The following OTOP3 variants were observed in gnomAD, a reference collection of about 807,000 sequenced individuals.
The protein encoded by OTOP3 is proton channel OTOP3.
In OTOP3, 41 loss-of-function variants were observed where a neutral mutation model predicts 50.8. The ratio of observed to expected loss-of-function variants is 0.81; its 90% CI spans 0.63 to 1.05. The LOEUF (loss-of-function observed/expected upper bound fraction) is 1.05. Among genes scored for constraint, OTOP3 ranks in the 50% least tolerant of loss-of-function variants. The probability of loss-of-function intolerance (pLI) is 0.00; values close to 1 mark genes in which losing one functional copy is unlikely to be tolerated. For synonymous variants in OTOP3, 320 were observed against 324.4 expected, an observed-to-expected ratio of 0.99 and a Z score of 0.14; for missense variants, 788 against 760.8, an observed-to-expected ratio of 1.04 and a Z score of -0.42.
rs1437680054 is a variant in OTOP3, at chr17:74,937,216, C to G, written c.19+1276C>G. Among the ~76,000 whole-genome samples the G allele has an allele frequency of 3.9e-5, 6 of 152,338 alleles. No homozygotes were observed. In the South Asian group the frequency reaches 1.2e-3, roughly 32 times the overall value. Reference sequence around the variant, plus strand: ...CTGGGCTCAAGGGATCCGCTCACCTCAGCCTCCCAAAGTGCTGGAATTACA... The same window carrying G: ...CTGGGCTCAAGGGATCCGCTCACCTGAGCCTCCCAAAGTGCTGGAATTACA... On this transcript the variant is annotated intron_variant, in intron 1 of 6. Transcript: ENST00000328801.
At chr17:74,946,167 G>A (rs564875731) in intron 5 of OTOP3, among the ~76,000 whole-genome samples, 32 of 152,134 alleles carry the variant, frequency 2.1e-4, no homozygotes, top group Non-Finnish European at 4.3e-4. Context: ...TAGTAGAGAC[G>A]GGGTTTCACC....
Position 74,943,262 on chromosome 17 carries a change from G to C in OTOP3, c.574-24G>C, listed in dbSNP as rs2039194440. The C allele has an allele frequency of 1.9e-6, 3 of 1,613,516 alleles. No homozygotes were observed. The African/African-American group carries it at 4.0e-5, about 22-fold the overall frequency. On this transcript the variant is annotated intron_variant, in intron 3 of 6. Coordinates refer to ENST00000328801, the MANE Select transcript of OTOP3 (RefSeq NM_001272005.2). ...GTCCCACCACCTCCACCAGCCCCTG[G>C]GCTCAAGGCCCTGTCTCTTTCAGAC...
intron 5 of OTOP3, among the ~76,000 whole-genome samples, chr17:74,945,057 C>G (rs1005591151): frequency 3.9e-5 from 6 of 152,096 alleles, no homozygotes; most frequent in African/African-American, 1.4e-4. Flanking sequence ...AAGCGATCCT[C>G]CCACCTCAGC....
intron 5 of OTOP3, 75 bp from the exon 6 acceptor site, chr17:74,946,586 G>A (rs1274162599): frequency 7.7e-7 from 1 of 1,293,842 alleles, no homozygotes; most frequent in Non-Finnish European, 1.1e-6. Flanking sequence ...GGGAATGGGA[G>A]GTATCTGTGT....
chr17:74,936,559 GACCCCTAAATGC>G (rs1044387077), intron 1 of OTOP3, among the ~76,000 whole-genome samples: 1 of 152,240 alleles, frequency 6.6e-6, no homozygotes, highest in African/African-American at 2.4e-5. Flanking sequence ...TTCTGCCCGA[GACCCCTAAATGC>G]CCACTCCTGC....
At chr17:74,943,187 T>G in intron 3 of OTOP3, 99 bp from the exon 4 acceptor site, 2 of 1,055,462 alleles carry the variant, frequency 1.9e-6, no homozygotes, top group East Asian at 4.7e-5. Context: ...TCTTTCTCCC[T>G]GTGTCTTTCA....
chr17:74,941,304 G>A (rs899457718), intron 1 of OTOP3, 89 bp from the exon 2 acceptor site: 1 of 1,368,086 alleles, frequency 7.3e-7, no homozygotes, highest in Non-Finnish European at 9.7e-7. Context: ...CCGCATAGCT[G>A]ACCCTGGGTC....
intron 3 of OTOP3, among the ~76,000 whole-genome samples, chr17:74,942,422 G>A (rs2039186933): frequency 6.6e-6 from 1 of 152,070 alleles, no homozygotes; most frequent in Admixed American, 6.6e-5. Flanking sequence ...CCTGAGGTCA[G>A]GAGTTTGAAA....
At chr17:74,944,946 C>CTTTCTTTT (rs1176783432) in intron 5 of OTOP3, among the ~76,000 whole-genome samples, 1 of 151,670 alleles carries the variant, frequency 6.6e-6, no homozygotes, top group Non-Finnish European at 1.5e-5. Context: ...TTTCTTCTTT[C>CTTTCTTTT]TTTCTTTTTT....
chr17:74,944,162 C>G (rs1409928696), intron 5 of OTOP3, among the ~76,000 whole-genome samples: 1 of 152,208 alleles, frequency 6.6e-6, no homozygotes, highest in African/African-American at 2.4e-5. Context: ...AAAAAACTCC[C>G]AAGATTGTCC....
chr17:74,940,172 GTT>G (rs11327542), intron 1 of OTOP3, among the ~76,000 whole-genome samples: 251 of 99,926 alleles, frequency 2.5e-3, no homozygotes, highest in African/African-American at 9.2e-3. Flanking sequence ...CGGCTTTTTT[GTT>G]TTTTTTTTTT....
chr17:74,946,480 G>C (rs1335435049), intron 5 of OTOP3, among the ~76,000 whole-genome samples, 181 bp from the exon 6 acceptor site: 2 of 152,226 alleles, frequency 1.3e-5, no homozygotes, highest in Non-Finnish European at 2.9e-5. Context: ...GAAAAAGAAT[G>C]ACCATTCTGT....
Position 74,942,042 on chromosome 17 carries a change from C to T in OTOP3, c.573+5C>T. 6.2e-7 allele frequency: 1 copy of T among 1,603,826 alleles called. No individual in the cohort carries two copies. Among genetic ancestry groups the T allele is most frequent in the Non-Finnish European group, 8.5e-7 (1 of 1,174,312 alleles). On this transcript the variant is annotated splice_donor_5th_base_variant and intron_variant, in intron 3 of 6. Coordinates refer to ENST00000328801, the MANE Select transcript of OTOP3 (RefSeq NM_001272005.2). ...ATGGTCTTCATCGGCGTCCAGGTGACAGGCTTCTCACGTCCCCACATCACC... is the reference window on the plus strand; with the variant it reads ...ATGGTCTTCATCGGCGTCCAGGTGATAGGCTTCTCACGTCCCCACATCACC...
intron 1 of OTOP3, among the ~76,000 whole-genome samples, chr17:74,939,849 A>G (rs1046139640): frequency 1.3e-5 from 2 of 152,170 alleles, no homozygotes; most frequent in African/African-American, 4.8e-5. Context: ...CTCAGAAGAC[A>G]TTGTGAATCA....
At position 74,946,843 on chromosome 17, in the gene OTOP3, G is replaced by T. The variant is rs569900376; in HGVS notation, c.934G>T (p.Ala312Ser). ...APHMGAHPAT[A>S]PFHLHGAIFG... Reference sequence around the variant, plus strand: ...CCACATGGGTGCCCACCCTGCCACCGCACCCTTCCACCTGCACGGGGCCAT... The same window carrying T: ...CCACATGGGTGCCCACCCTGCCACCTCACCCTTCCACCTGCACGGGGCCAT... Residue 312 changes from alanine (A) to serine (S), a missense_variant, in exon 6 of 7, where the codon GCA becomes TCA. Physicochemically the swap from Ala to Ser is moderately conservative, Grantham distance 99. Coordinates refer to ENST00000328801, the MANE Select transcript of OTOP3 (RefSeq NM_001272005.2). 7.5e-6 allele frequency: 12 copies of T among 1,610,686 alleles called. No individual in the cohort carries two copies. The highest frequency in any genetic ancestry group is 9.3e-6 in the Non-Finnish European group (11 of 1,180,014).
rs760672120 is a variant in OTOP3 at position 74,947,288 on chromosome 17, G to A, written c.1379G>A (p.Trp460Ter). ...GAGGGCCTGCACCGGCGCCCACTCT[G>A]GGAGACAGTTCCCGAGGGCCTGGCA... is the stretch of plus-strand genomic sequence containing the variant. Reference protein sequence around the residue: ...IIEGLHRRPLWETVPEGLAGK... With the variant: ...IIEGLHRRPL The change falls in exon 6 of 7, where the codon TGG (tryptophan) becomes TAG (stop). Residue 460 changes from tryptophan to a stop codon, truncating the protein, a stop_gained. Coordinates refer to ENST00000328801, the MANE Select transcript of OTOP3 (RefSeq NM_001272005.2). LOFTEE classifies it high-confidence loss of function. 1 of 1,613,458 alleles carries A rather than the reference G, an allele frequency of 6.2e-7. No homozygotes were observed. Among genetic ancestry groups the A allele is most frequent in the Non-Finnish European group, 8.5e-7 (1 of 1,179,828 alleles).
chr17:74,949,628 C>A lies in OTOP3; in HGVS notation c.*212C>A. 1.7e-6 allele frequency: 1 copy of A among 578,086 alleles called. No individual in the cohort carries two copies. The highest frequency in any genetic ancestry group is 3.0e-5 in the East Asian group (1 of 33,350). 35.8% of individuals were successfully genotyped at this position (578,086 alleles called of 1,614,324 possible). ...ACACTGAGCTTCTGATGCCCACGGC[C>A]AGGCCTGGGCACATGCCTGCCCCCT... On this transcript the variant is annotated 3_prime_UTR_variant, in exon 7 of 7. Coordinates refer to ENST00000328801, the MANE Select transcript of OTOP3 (RefSeq NM_001272005.2).
In OTOP3 at chr17:74,947,039, C is replaced by A. The variant is rs1171352001; in HGVS notation, c.1130C>A (p.Ala377Asp). Reference sequence around the variant, plus strand: ...AGTCTGGCGTGCCTGGCGGGCACAGCCATACACGGGCTGGAGGAGAGAGAG... The same window carrying A: ...AGTCTGGCGTGCCTGGCGGGCACAGACATACACGGGCTGGAGGAGAGAGAG... ...TMSLACLAGT[A>D]IHGLEERELD... is the part of the protein sequence containing the mutation. The change falls in exon 6 of 7, where the codon GCC (alanine) becomes GAC (aspartate). Residue 377 changes from alanine to aspartate, a missense_variant. Ala to Asp is a moderately radical substitution (Grantham distance 126). Coordinates refer to ENST00000328801, the MANE Select transcript of OTOP3 (RefSeq NM_001272005.2). The A allele has an allele frequency of 6.2e-7, 1 of 1,614,024 alleles. No individual in the cohort carries two copies. The highest frequency in any genetic ancestry group is 1.7e-5 in the Admixed American group (1 of 60,032).
At position 74,947,014 on chromosome 17, in the gene OTOP3, A is replaced by G; in HGVS notation, c.1105A>G (p.Ser369Gly). The G allele has an allele frequency of 6.2e-7, 1 of 1,613,982 alleles. No homozygotes were observed. Among genetic ancestry groups the G allele is most frequent in the Non-Finnish European group, 8.5e-7 (1 of 1,180,050 alleles). ...CTATGTGGCTGTGCTGCCCACCATG[A>G]GTCTGGCGTGCCTGGCGGGCACAGC... is the stretch of plus-strand genomic sequence containing the variant. ...AFYVAVLPTM[S>G]LACLAGTAIH... Residue 369 changes from serine to glycine, a missense_variant, in exon 6 of 7, where the codon AGT (serine) becomes GGT (glycine). Ser to Gly is a moderately conservative substitution (Grantham distance 56). Transcript: ENST00000328801.
Sources: allele counts gnomAD v4.1 joint callset (sites outside exome capture counted in the v4.1 genomes callset), GRCh38; gene constraint gnomAD v4.1.1; transcripts MANE v1.5; gene names NCBI Gene and HGNC (gene_info 2026-07-23, HGNC 2026-07-21).